SCAMP4: variants seen among roughly 807,000 people sequenced by gnomAD.
SCAMP4 encodes the protein secretory carrier-associated membrane protein 4.
A neutral mutation model predicts 32.1 loss-of-function variants in SCAMP4; 19 were observed. The ratio of observed to expected loss-of-function variants is 0.59; its 90% CI spans 0.41 to 0.87. The LOEUF (loss-of-function observed/expected upper bound fraction) is 0.87. SCAMP4 is among the 40% of genes least tolerant of loss of function. The pLI is 0.00. For synonymous variants in SCAMP4, 152 were observed against 132.7 expected (o/e 1.15, Z -1.00); for missense variants, 302 against 309.0 (o/e 0.98, Z 0.17).
intron 2 of SCAMP4, among the ~76,000 whole-genome samples, chr19:1,916,376 G>A (rs1300491786): frequency 3.3e-5 from 5 of 152,138 alleles, no homozygotes; most frequent in South Asian, 2.1e-4. Flanking sequence ...CTCCTTCCCC[G>A]GAGCCTGCAG....
rs527653400 is a variant in SCAMP4 at position 1,913,685 on chromosome 19, G to A, written c.-41-1294G>A. The stretch of plus-strand genomic sequence containing the variant: ...TGTGGACACTAGGCGTAGTCCACAG[G>A]GCACCGACCCTAAGGAAGGGCCCTG... On this transcript the variant is annotated intron_variant, in intron 1 of 6. Transcript: ENST00000316097. Among the ~76,000 whole-genome samples the A allele has an allele frequency of 7.2e-5, 11 of 152,292 alleles. No homozygotes were observed. The South Asian group carries it at 2.3e-3, about 32-fold the overall frequency.
intron 5 of SCAMP4, chr19:1,919,336 T>TCTGCACGGATCG (rs1032467790): frequency 9.6e-5 from 111 of 1,159,264 alleles, no homozygotes; most frequent in Non-Finnish European, 1.1e-4. Flanking sequence ...TGCTGATGTT[T>TCTGCACGGATCG]CTGCACGGAT....
chr19:1,919,841 T>G (rs189405309), intron 5 of SCAMP4, among the ~76,000 whole-genome samples: 122 of 141,606 alleles, frequency 8.6e-4, no homozygotes, highest in Middle Eastern at 8.9e-3. Context: ...ATGGAGTCGC[T>G]CTCTGTCACT....
rs2013058637 is a variant in SCAMP4 at position 1,905,561 on chromosome 19, G to T, written c.-42+122G>T. ...CCGGCCGTTTGTGGGGAGAAAACGG[G>T]GGGCCCAGGCCAGCCTCGCGCGCGT... is the stretch of plus-strand genomic sequence containing the variant. On this transcript the variant is annotated intron_variant, in intron 1 of 6. Coordinates refer to ENST00000316097, the MANE Select transcript of SCAMP4 (RefSeq NM_079834.4). The T allele has an allele frequency of 2.0e-5, 6 of 293,916 alleles. 2 individuals are homozygous for T. Among genetic ancestry groups the T allele is most frequent in the South Asian group, 1.4e-4 (6 of 41,454 alleles). 18.2% of individuals were successfully genotyped at this position (293,916 alleles called of 1,614,324 possible). A position where few individuals can be genotyped will look rare whatever the true frequency, so the allele number is the denominator to read the frequency against.
intron 1 of SCAMP4, among the ~76,000 whole-genome samples, chr19:1,911,532 T>C (rs942615623): frequency 1.3e-5 from 2 of 152,140 alleles, no homozygotes; most frequent in East Asian, 3.8e-4. Flanking sequence ...ACACCTGTAA[T>C]CCCACCACCA....
chr19:1,922,772 C>T (rs535882514), intron 5 of SCAMP4: 73 of 1,060,336 alleles, frequency 6.9e-5, no homozygotes, highest in Middle Eastern at 4.3e-4. Flanking sequence ...ATTCCCTGCA[C>T]GCACAGCCCA....
At position 1,924,112 on chromosome 19, in the gene SCAMP4, A is replaced by T; in HGVS notation, c.518A>T (p.His173Leu). Residue 173 changes from histidine to leucine, a missense_variant, in exon 7 of 7, where the codon CAC becomes CTC. Coordinates refer to ENST00000316097, the MANE Select transcript of SCAMP4 (RefSeq NM_079834.4). ...CCCTGTCCTCTGTCCTTGCAGGTGC[A>T]CAGGATCTACCGAGGGGCTGGCGGA... Reference protein sequence around the residue: ...AMMAIAIMKVHRIYRGAGGSF... With the variant: ...AMMAIAIMKVLRIYRGAGGSF... 1 of 1,606,690 alleles carries T rather than the reference A, an allele frequency of 6.2e-7. No individual in the cohort carries two copies. Among genetic ancestry groups the T allele is most frequent in the Non-Finnish European group, 8.5e-7 (1 of 1,177,482 alleles).
chr19:1,905,855 G>C (rs2013084414), intron 1 of SCAMP4: 1 of 152,350 alleles, frequency 6.6e-6, no homozygotes, highest in South Asian at 2.1e-4. Context: ...CCCCAGCTCT[G>C]ATTCGCCTTT....
chr19:1,914,908 C>A, intron 1 of SCAMP4, 71 bp from the exon 2 acceptor site: 1 of 1,309,858 alleles, frequency 7.6e-7, no homozygotes, highest in Non-Finnish European at 1.1e-6. Flanking sequence ...TTTTCAGCCA[C>A]GGTGGGTGGG....
chr19:1,913,452 G>A, intron 1 of SCAMP4: 5 of 506,906 alleles, frequency 9.9e-6, no homozygotes, highest in South Asian at 9.4e-5. Flanking sequence ...AACCAAGTGG[G>A]TGTCTGTTAG....
rs1205809339 is a variant in SCAMP4, at chr19:1,923,194, C to G, written c.513+7C>G. 1 of 1,545,574 alleles carries G rather than the reference C, an allele frequency of 6.5e-7. No individual in the cohort carries two copies. The highest frequency in any genetic ancestry group is 8.7e-7 in the Non-Finnish European group (1 of 1,142,948). On this transcript the variant is annotated splice_region_variant and intron_variant, in intron 6 of 6. Transcript: ENST00000316097. ...GGCCATCGCGATCATGAAGGTGAGT[C>G]CTCGGCTTTGTGACGTCCAGCCCTT...
At chr19:1,909,888 T>C (rs920015092) in intron 1 of SCAMP4, among the ~76,000 whole-genome samples, 4 of 152,218 alleles carry the variant, frequency 2.6e-5, no homozygotes, top group African/African-American at 9.6e-5. Flanking sequence ...GGGGCTGCGC[T>C]CCGGGGCTTA....
At chr19:1,912,267 C>T (rs973115501) in intron 1 of SCAMP4, 3 of 1,593,340 alleles carry the variant, frequency 1.9e-6, no homozygotes, top group East Asian at 4.6e-5. Context: ...CCAGACCTCA[C>T]GCCTCCTGAA....
chr19:1,909,332 T>A (rs1435311394), intron 1 of SCAMP4, among the ~76,000 whole-genome samples: 1 of 152,150 alleles, frequency 6.6e-6, no homozygotes, highest in Admixed American at 6.5e-5. Context: ...CACGCCTGCC[T>A]CTCTGCTGTG....
At chr19:1,918,522 G>A (rs998680778) in intron 4 of SCAMP4, 23 of 554,784 alleles carry the variant, frequency 4.1e-5, no homozygotes, top group Non-Finnish European at 6.5e-5. Context: ...AGCACTTTGG[G>A]AGGCCGAGGC....
Position 1,924,216 on chromosome 19 carries a change from T to A in SCAMP4, c.622T>A (p.Phe208Ile), listed in dbSNP as rs752379488. The stretch of plus-strand genomic sequence containing the variant: ...GTCGAGGGAGGCCCAGTACAACAAC[T>A]TCTCAGGCAACAGCCTGCCCGAGTA... ...PPSREAQYNN[F>I]SGNSLPEYPT... Residue 208 changes from phenylalanine to isoleucine, a missense_variant, in exon 7 of 7, where the codon TTC becomes ATC. By Grantham distance (21) the Phe-to-Ile change is conservative. Coordinates refer to ENST00000316097, the MANE Select transcript of SCAMP4 (RefSeq NM_079834.4). 6 of 1,608,706 alleles carry A rather than the reference T, an allele frequency of 3.7e-6. No homozygotes were observed. Among genetic ancestry groups the A allele is most frequent in the Admixed American group, 1.7e-5 (1 of 59,310 alleles).
intron 1 of SCAMP4, chr19:1,912,380 C>G: frequency 6.6e-7 from 1 of 1,521,196 alleles, no homozygotes; most frequent in Non-Finnish European, 8.8e-7. Context: ...TGCTGCTTTG[C>G]CTGGCTGGGC....
chr19:1,922,860 G>A (rs372780224), intron 5 of SCAMP4: 86 of 1,291,650 alleles, frequency 6.7e-5, no homozygotes, highest in African/African-American at 1.1e-4. Flanking sequence ...TCACTGCTGC[G>A]ATGGTGGAGG....
chr19:1,912,891 C>G, intron 1 of SCAMP4: 1 of 1,607,226 alleles, frequency 6.2e-7, no homozygotes, highest in Non-Finnish European at 8.5e-7. Context: ...AGGCGCCGTG[C>G]GTAAACTGGA....
Sources: allele counts gnomAD v4.1 joint callset (sites outside exome capture counted in the v4.1 genomes callset), GRCh38; gene constraint gnomAD v4.1.1; transcripts MANE v1.5; gene names NCBI Gene and HGNC (gene_info 2026-07-23, HGNC 2026-07-21).